The following DNAJB6 variants were observed in gnomAD, a reference collection of about 807,000 sequenced individuals.
DNAJB6 encodes the protein DnaJ heat shock protein family (Hsp40) member B6.
In DNAJB6, 16 loss-of-function variants were observed where a neutral mutation model predicts 42.7. The ratio of observed to expected loss-of-function variants is 0.37; its 90% CI spans 0.25 to 0.57. The LOEUF (loss-of-function observed/expected upper bound fraction) is 0.57, where lower values mean the gene tolerates loss of function less well. Among genes scored for constraint, DNAJB6 ranks in the 20% least tolerant of loss-of-function variants. DNAJB6 has a pLI of 0.74. For missense variants in DNAJB6, 347 were observed against 416.8 expected (o/e 0.83, Z 1.46); for synonymous variants, 170 against 163.5 (o/e 1.04, Z -0.30).
At chr7:157,410,767 C>T (rs1378457104) in intron 9 of DNAJB6, 1 of 152,282 alleles carries the variant, frequency 6.6e-6, no homozygotes, top group African/African-American at 2.4e-5. Context: ...GATGGTTGAT[C>T]CCTGGGTTTG....
At chr7:157,402,813 G>A (rs925089906) in intron 8 of DNAJB6, among the ~76,000 whole-genome samples, 1 of 152,236 alleles carries the variant, frequency 6.6e-6, no homozygotes, top group Non-Finnish European at 1.5e-5. Flanking sequence ...AAACCGGAAC[G>A]TTGTTAGAAT....
intron 8 of DNAJB6, among the ~76,000 whole-genome samples, chr7:157,392,414 CTTAA>C (rs904579793): frequency 2.8e-5 from 4 of 142,940 alleles, no homozygotes; most frequent in Admixed American, 7.3e-5. Context: ...GTGTGGTAGT[CTTAA>C]TTATTTACAC....
At position 157,345,803 on chromosome 7, in the gene DNAJB6, A is replaced by G. The variant is rs114051114; in HGVS notation, c.-27+8659A>G. ...GCATGGTTTTAAAAAGGTTTTTGCC[A>G]AGTGGGGTTCTAATGGACACCTATG... On this transcript the variant is annotated intron_variant, in intron 1 of 9. Coordinates refer to ENST00000262177, the MANE Select transcript of DNAJB6 (RefSeq NM_058246.4). Among the ~76,000 whole-genome samples, 651 of 152,290 alleles carry G rather than the reference A, an allele frequency of 4.3e-3. 5 individuals carry two copies. The highest frequency in any genetic ancestry group is 0.015 in the African/African-American group (616 of 41,574).
intron 8 of DNAJB6, among the ~76,000 whole-genome samples, chr7:157,398,312 A>G (rs1801693149): frequency 6.6e-6 from 1 of 152,208 alleles, no homozygotes; most frequent in African/African-American, 2.4e-5. Flanking sequence ...TTGTTTGAAT[A>G]ATCTGCAGTG....
Position 157,366,526 on chromosome 7 carries a change from A to C in DNAJB6, c.200A>C (p.Lys67Thr). 1 of 1,614,078 alleles carries C rather than the reference A, an allele frequency of 6.2e-7. No homozygotes were observed. The highest frequency in any genetic ancestry group is 2.2e-5 in the East Asian group (1 of 44,854). ...GCTAAGAAACGGGACATCTATGACAAATATGGCAAAGAAGGATTAAATGGT... is the reference window on the plus strand; with the variant it reads ...GCTAAGAAACGGGACATCTATGACACATATGGCAAAGAAGGATTAAATGGT... ...SDAKKRDIYD[K>T]YGKEGLNGGG... The change falls in exon 4 of 10, where the codon AAA becomes ACA. Residue 67 changes from lysine to threonine, a missense_variant. By Grantham distance (78) the Lys-to-Thr change is moderately conservative. Coordinates refer to ENST00000262177, the MANE Select transcript of DNAJB6 (RefSeq NM_058246.4).
At position 157,416,170 on chromosome 7, in the gene DNAJB6, C is replaced by T. The variant is rs116630040; in HGVS notation, c.*72C>T. 1,813 of 1,568,074 alleles carry T rather than the reference C, an allele frequency of 1.2e-3. 23 individuals are homozygous for T. The African/African-American group carries it at 0.021, about 18-fold the overall frequency. The stretch of plus-strand genomic sequence containing the variant: ...CGTGCTCGGCATGCGGTCGTGCACA[C>T]GCGCTAGGTAGCAGCGTCGGTCAGG... On this transcript the variant is annotated 3_prime_UTR_variant, in exon 10 of 10. Transcript: ENST00000262177.
At chr7:157,386,401 G>A (rs1801060694) in intron 8 of DNAJB6, 1 of 727,806 alleles carries the variant, frequency 1.4e-6, no homozygotes, top group Non-Finnish European at 1.7e-6. Context: ...GTTCATTCAG[G>A]TGGATGCCGC....
In DNAJB6 at chr7:157,370,101, A is replaced by AGGCCCCTTCTTAACATTATTATTAAACG. The variant is rs1563128943; in HGVS notation, c.346+2644_346+2645insCGGGCCCCTTCTTAACATTATTATTAAA. Among the ~76,000 whole-genome samples the AGGCCCCTTCTTAACATTATTATTAAACG allele has an allele frequency of 4.7e-5, 7 of 147,638 alleles. No individual in the cohort carries two copies. The East Asian group carries it at 9.9e-4, about 21-fold the overall frequency. ...CCCCTTCTTAACATTATTATTAAACAGGCCCCTTCTTAACATTATTATTAA... is the reference window on the plus strand; with the variant it reads ...CCCCTTCTTAACATTATTATTAAACAGGCCCCTTCTTAACATTATTATTAAACGGGCCCCTTCTTAACATTATTATTAA... On this transcript the variant is annotated intron_variant, in intron 5 of 9. Transcript: ENST00000262177.
At chr7:157,376,842 T>C (rs1360856408) in intron 5 of DNAJB6, among the ~76,000 whole-genome samples, 1 of 152,178 alleles carries the variant, frequency 6.6e-6, no homozygotes, top group Non-Finnish European at 1.5e-5. Context: ...ATCGCGCCAC[T>C]ACACTCCAGC....
intron 1 of DNAJB6, among the ~76,000 whole-genome samples, chr7:157,356,487 C>T (rs960460455): frequency 1.1e-4 from 16 of 152,180 alleles, no homozygotes; most frequent in African/African-American, 3.4e-4. Flanking sequence ...GGCTTGAATC[C>T]TGTATGTTGC....
rs569928706 is a variant in DNAJB6 at position 157,352,547 on chromosome 7, G to A, written c.-26-6000G>A. Reference sequence around the variant, plus strand: ...TGACTATTCCTGCTGGCTCCCTGGTGAGGGTGTGGCATCTCTGCAGATGAG... The same window carrying A: ...TGACTATTCCTGCTGGCTCCCTGGTAAGGGTGTGGCATCTCTGCAGATGAG... On this transcript the variant is annotated intron_variant, in intron 1 of 9. Coordinates refer to ENST00000262177, the MANE Select transcript of DNAJB6 (RefSeq NM_058246.4). Among the ~76,000 whole-genome samples, 7 of 152,164 alleles carry A rather than the reference G, an allele frequency of 4.6e-5. No homozygotes were observed. In the South Asian group the frequency reaches 1.5e-3, roughly 32 times the overall value.
At chr7:157,392,359 G>GGTTT (rs1554465684) in intron 8 of DNAJB6, among the ~76,000 whole-genome samples, 4 of 137,918 alleles carry the variant, frequency 2.9e-5, no homozygotes, top group Admixed American at 7.3e-5. Flanking sequence ...TTGAAAGTGG[G>GGTTT]TTTTTTTTTT....
chr7:157,412,108 AAT>A (rs1297399477), intron 9 of DNAJB6: 1 of 152,192 alleles, frequency 6.6e-6, no homozygotes, highest in African/African-American at 2.4e-5. Context: ...TTTTTATACA[AAT>A]ATATAACGAA....
chr7:157,341,198 C>T (rs1334696817), intron 1 of DNAJB6, among the ~76,000 whole-genome samples: 1 of 152,098 alleles, frequency 6.6e-6, no homozygotes, highest in African/African-American at 2.4e-5. Context: ...CATCTCGGCT[C>T]ACTGCAACCT....
intron 1 of DNAJB6, among the ~76,000 whole-genome samples, chr7:157,339,601 T>TGTG (rs1798241718): frequency 8.2e-6 from 1 of 122,326 alleles, no homozygotes; most frequent in East Asian, 2.6e-4. Context: ...GCCCGGCCTT[T>TGTG]TGTGTGTGTG....
At chr7:157,402,979 G>A (rs28423031) in intron 8 of DNAJB6, among the ~76,000 whole-genome samples, 21,380 of 152,122 alleles carry the variant, frequency 0.14, 3,145 homozygotes, top group African/African-American at 0.38. Flanking sequence ...GGACACGCCC[G>A]TGACACAGCC....
intron 1 of DNAJB6, among the ~76,000 whole-genome samples, chr7:157,346,723 G>T (rs1489830471): frequency 6.6e-6 from 1 of 152,238 alleles, no homozygotes; most frequent in Non-Finnish European, 1.5e-5. Flanking sequence ...TCTTACATCA[G>T]TGATGACTGA....
intron 1 of DNAJB6, among the ~76,000 whole-genome samples, chr7:157,352,667 A>G (rs978003454): frequency 6.6e-6 from 1 of 151,482 alleles, no homozygotes; most frequent in Non-Finnish European, 1.5e-5. Context: ...GAGACCATCC[A>G]CTCCGTGTAT....
intron 5 of DNAJB6, among the ~76,000 whole-genome samples, chr7:157,370,480 G>C (rs975422063): frequency 1.3e-5 from 2 of 152,146 alleles, no homozygotes; most frequent in African/African-American, 2.4e-5. Context: ...AAAGGGGAAG[G>C]GTCCCTTAGT....
Sources: gnomAD v4.1 joint callset for allele counts (sites outside exome capture counted in the v4.1 genomes callset) on GRCh38, gnomAD v4.1.1 for gene constraint, MANE v1.5 for transcripts, NCBI Gene and HGNC (gene_info 2026-07-23, HGNC 2026-07-21) for gene names.